The following PBX1 variants were observed in gnomAD, a reference collection of about 807,000 sequenced individuals.
The protein encoded by PBX1 is pre-B-cell leukemia transcription factor 1.
Under a neutral mutation model 53.4 loss-of-function variants are expected in PBX1, and 6 were observed. That is an observed-to-expected ratio of 0.11 (90% CI 0.06 to 0.22). The LOEUF (loss-of-function observed/expected upper bound fraction) is 0.22, where lower values mean the gene tolerates loss of function less well. Ranked by LOEUF, PBX1 falls within the 10% of genes least tolerant of loss-of-function variation. The pLI is 1.00. For synonymous variants in PBX1, 204 were observed against 212.3 expected (o/e 0.96, Z 0.34); for missense variants, 251 against 551.4 (o/e 0.46, Z 5.46).
At chr1:164,776,966 A>AT (rs1436693831) in intron 2 of PBX1, among the ~76,000 whole-genome samples, 12 of 92,640 alleles carry the variant, frequency 1.3e-4, no homozygotes, top group African/African-American at 5.5e-4. Context: ...AGAGAGAGAG[A>AT]GAGAGAGAGA....
At chr1:164,664,635 T>G (rs896493850) in intron 2 of PBX1, among the ~76,000 whole-genome samples, 3 of 152,194 alleles carry the variant, frequency 2.0e-5, no homozygotes, top group African/African-American at 7.2e-5. Flanking sequence ...GTTTTCACAC[T>G]GCTGATAAAG....
At chr1:164,821,258 A>G (rs565676734) in intron 7 of PBX1, among the ~76,000 whole-genome samples, 2 of 152,294 alleles carry the variant, frequency 1.3e-5, no homozygotes, top group African/African-American at 4.8e-5. Context: ...TATCATCCTA[A>G]TCCTTACCAT....
intron 2 of PBX1, among the ~76,000 whole-genome samples, chr1:164,661,482 A>C (rs1172190585): frequency 6.8e-6 from 1 of 146,584 alleles, no homozygotes. Context: ...GCTGGAGTGC[A>C]ATGGTATGAT....
In PBX1 at chr1:164,781,076, G is replaced by A. The variant is rs538279454; in HGVS notation, c.266-11418G>A. ...TCATTAGCAGCACGGCATGTGCTTG[G>A]GGTGGTTTTTGTAATGAGTGGTGAT... On this transcript the variant is annotated intron_variant, in intron 2 of 8. Coordinates refer to ENST00000420696, the MANE Select transcript of PBX1 (RefSeq NM_002585.4). Among the ~76,000 whole-genome samples the A allele has an allele frequency of 7.9e-5, 12 of 152,238 alleles. No homozygotes were observed. In the South Asian group the frequency reaches 1.5e-3, roughly 18 times the overall value.
rs537175736 is a variant in PBX1, at chr1:164,823,622, G to GC, written c.1200+1996_1200+1997insC. Among the ~76,000 whole-genome samples, 217 of 133,328 alleles carry GC rather than the reference G, an allele frequency of 1.6e-3. 3 individuals are homozygous for GC. Among genetic ancestry groups the GC allele is most frequent in the African/African-American group, 5.7e-3 (211 of 36,890 alleles). The allele number at this position is 133,328 out of a possible 152,430, so 87.5% of individuals were successfully genotyped here. On this transcript the variant is annotated intron_variant, in intron 8 of 8. Coordinates refer to ENST00000420696, the MANE Select transcript of PBX1 (RefSeq NM_002585.4). ...AGCAGTCAGACTCTGGGGGGTGGGG[G>GC]GGGGGGTCAACACTGACCCCTCTGA...
rs80035259 is a variant in PBX1 at position 164,589,676 on chromosome 1, G to A, written c.265+26365G>A. Among the ~76,000 whole-genome samples, 484 of 152,272 alleles carry A rather than the reference G, an allele frequency of 3.2e-3. 2 individuals carry two copies. Among genetic ancestry groups the A allele is most frequent in the African/African-American group, 0.011 (464 of 41,558 alleles). On this transcript the variant is annotated intron_variant, in intron 2 of 8. Transcript: ENST00000420696. ...ATCCATCCTTCTCCATCCCTGCGAGGTATTTAGGGTGGAGGAGATATTATC... is the reference window on the plus strand; with the variant it reads ...ATCCATCCTTCTCCATCCCTGCGAGATATTTAGGGTGGAGGAGATATTATC...
chr1:164,853,645 C>T (rs558661570), downstream of PBX1, among the ~76,000 whole-genome samples: 2 of 152,276 alleles, frequency 1.3e-5, no homozygotes, highest in South Asian at 4.1e-4. Flanking sequence ...ATGTTGTTTT[C>T]TAGCGTGCCT....
At chr1:164,786,029 C>T (rs1668155936) in intron 2 of PBX1, among the ~76,000 whole-genome samples, 1 of 152,150 alleles carries the variant, frequency 6.6e-6, no homozygotes, top group African/African-American at 2.4e-5. Flanking sequence ...GAAGAGGTGG[C>T]AGAGAGAACA....
At chr1:164,768,095 G>A (rs912515205) in intron 2 of PBX1, among the ~76,000 whole-genome samples, 5 of 151,462 alleles carry the variant, frequency 3.3e-5, no homozygotes, top group African/African-American at 7.3e-5. Flanking sequence ...GTACTCTTTC[G>A]AATCATATTA....
At chr1:164,871,021 A>C (rs556259967) in intron 2 of PBX1, among the ~76,000 whole-genome samples, 17 of 152,214 alleles carry the variant, frequency 1.1e-4, no homozygotes, top group African/African-American at 4.1e-4. Context: ...TCATTATTTC[A>C]TCCTATTTAA....
chr1:164,816,536 T>C (rs1050244470), intron 6 of PBX1: 3 of 152,230 alleles, frequency 2.0e-5, no homozygotes, highest in Non-Finnish European at 4.4e-5. Flanking sequence ...CCGTTCTTGC[T>C]CTAGGTCTTT....
intron 4 of PBX1, among the ~76,000 whole-genome samples, chr1:164,801,525 G>A (rs1257152723): frequency 1.3e-5 from 2 of 152,038 alleles, no homozygotes; most frequent in Non-Finnish European, 2.9e-5. Context: ...GAAGGGAGGG[G>A]CAGAATTATT....
At position 164,847,907 on chromosome 1, in the gene PBX1, C is replaced by T; in HGVS notation, c.*1231C>T. Reference sequence around the variant, plus strand: ...TAAACTACTCTTGTTCCCACCACCTCTGGAGCACTCAGGGAGCCCCATACA... The same window carrying T: ...TAAACTACTCTTGTTCCCACCACCTTTGGAGCACTCAGGGAGCCCCATACA... On this transcript the variant is annotated 3_prime_UTR_variant, in exon 9 of 9. Transcript: ENST00000420696. The T allele has an allele frequency of 9.5e-7, 1 of 1,054,772 alleles. No homozygotes were observed. Among genetic ancestry groups the T allele is most frequent in the Non-Finnish European group, 1.1e-6 (1 of 872,632 alleles). The allele number at this position is 1,054,772 out of a possible 1,614,324, so 65.3% of individuals were successfully genotyped here. A position where few individuals can be genotyped will look rare whatever the true frequency, so the allele number is the denominator to read the frequency against.
At chr1:164,686,873 C>T (rs1005502816) in intron 2 of PBX1, among the ~76,000 whole-genome samples, 6 of 151,566 alleles carry the variant, frequency 4.0e-5, no homozygotes, top group African/African-American at 1.5e-4. Flanking sequence ...AGGAGAATGT[C>T]GTGAACCTGG....
chr1:164,781,871 A>C (rs2102276438), intron 2 of PBX1, among the ~76,000 whole-genome samples: 1 of 152,050 alleles, frequency 6.6e-6, no homozygotes, highest in Non-Finnish European at 1.5e-5. Flanking sequence ...CTGGTTATTA[A>C]ATCTGCCTTT....
In PBX1 at chr1:164,881,341, G is replaced by A. The variant is rs71519265; in HGVS notation, n.258-17847G>A. The stretch of plus-strand genomic sequence containing the variant: ...GGAAGGAAGGAGGAAAAGAAGGAAG[G>A]AAGGAAGGAAGGAAGGAAGGAGGAA... On this transcript the variant is annotated intron_variant and non_coding_transcript_variant, in intron 2 of 2. Transcript: ENST00000558796. 2.8e-3 allele frequency among the ~76,000 whole-genome samples: 190 copies of A among 68,558 alleles called. 2 individuals carry two copies. The highest frequency in any genetic ancestry group is 7.5e-3 in the Middle Eastern group (1 of 134). The allele number at this position is 68,558 out of a possible 152,430, so 45.0% of individuals were successfully genotyped here. A position where few individuals can be genotyped will look rare whatever the true frequency, so the allele number is the denominator to read the frequency against.
chr1:164,873,706 C>T (rs915977013), intron 2 of PBX1, among the ~76,000 whole-genome samples: 2 of 152,166 alleles, frequency 1.3e-5, no homozygotes, highest in African/African-American at 4.8e-5. Context: ...TCTCAACCAC[C>T]GCACATGTCT....
At chr1:164,791,288 C>G (rs185128625) in intron 2 of PBX1, among the ~76,000 whole-genome samples, 4 of 152,252 alleles carry the variant, frequency 2.6e-5, no homozygotes, top group Admixed American at 2.6e-4. Flanking sequence ...CTCCTTCAGT[C>G]CAAATCACCA....
chr1:164,663,205 C>T (rs1660599838), intron 2 of PBX1, among the ~76,000 whole-genome samples: 1 of 147,092 alleles, frequency 6.8e-6, no homozygotes, highest in East Asian at 2.0e-4. Flanking sequence ...TTCCTGCCTT[C>T]CTTCCTGCCT....
Sources: allele counts gnomAD v4.1 joint callset (sites outside exome capture counted in the v4.1 genomes callset), GRCh38; gene constraint gnomAD v4.1.1; transcripts MANE v1.5; gene names NCBI Gene and HGNC (gene_info 2026-07-23, HGNC 2026-07-21).